The following AKAP19 variants were observed in gnomAD, a reference collection of about 807,000 sequenced individuals.
The protein encoded by AKAP19 is A-kinase anchoring protein 19.
the AKAP19 span, chr2:190,181,182 C>T: frequency 1.0e-6 from 1 of 983,064 alleles, no homozygotes; most frequent in Non-Finnish European, 1.2e-6. Flanking sequence ...TCAGCTGTGC[C>T]TTTTAGATTT....
the AKAP19 span, among the ~76,000 whole-genome samples, chr2:190,024,332 A>C: frequency 1.3e-5 from 2 of 148,638 alleles, no homozygotes; most frequent in Non-Finnish European, 3.0e-5. Flanking sequence ...GTGTGTGTAT[A>C]TATATATATG....
chr2:190,022,039 CCTT>C, the AKAP19 span, among the ~76,000 whole-genome samples: 2 of 152,166 alleles, frequency 1.3e-5, no homozygotes, highest in Admixed American at 1.3e-4. Context: ...TCTCTCTTCT[CCTT>C]CTTACAAAGC....
chr2:190,162,464 G>A, the AKAP19 span, among the ~76,000 whole-genome samples: 2 of 151,894 alleles, frequency 1.3e-5, no homozygotes, highest in Non-Finnish European at 2.9e-5. Context: ...ATAAGCTTTG[G>A]AAAAAAAGTA....
chr2:189,932,720 AAAAG>A, the AKAP19 span, among the ~76,000 whole-genome samples: 1 of 151,872 alleles, frequency 6.6e-6, no homozygotes, highest in Non-Finnish European at 1.5e-5. Context: ...AAAAAAAAAA[AAAAG>A]AATCCATTAC....
the AKAP19 span, among the ~76,000 whole-genome samples, chr2:189,885,291 G>T: frequency 6.6e-6 from 1 of 152,114 alleles, no homozygotes; most frequent in Non-Finnish European, 1.5e-5. Context: ...AATGGTAACT[G>T]TGGGGAAGCT....
At chr2:189,931,210 TTTTC>T in the AKAP19 span, among the ~76,000 whole-genome samples, 3 of 151,890 alleles carry the variant, frequency 2.0e-5, no homozygotes, top group Non-Finnish European at 2.9e-5. Context: ...TGGTGGTTTT[TTTTC>T]TTTTTAAATT....
At chr2:189,946,968 A>G in the AKAP19 span, among the ~76,000 whole-genome samples, 1 of 152,292 alleles carries the variant, frequency 6.6e-6, no homozygotes, top group East Asian at 1.9e-4. Context: ...CCTAGATTCA[A>G]ATCTCAGCTT....
the AKAP19 span, among the ~76,000 whole-genome samples, chr2:190,157,365 T>TGTACACACACAC: frequency 4.3e-5 from 5 of 116,992 alleles, no homozygotes; most frequent in Admixed American, 4.0e-4. Context: ...CCTAAACTTG[T>TGTACACACACAC]ATACACACAC....
At chr2:189,887,931 C>A in the AKAP19 span, among the ~76,000 whole-genome samples, 66 of 152,046 alleles carry the variant, frequency 4.3e-4, no homozygotes, top group African/African-American at 1.6e-3. Flanking sequence ...ATGATAGTTT[C>A]TTTTGCCCTG....
At chr2:190,198,538 G>GGAAGGATC in the AKAP19 span, among the ~76,000 whole-genome samples, 1 of 149,724 alleles carries the variant, frequency 6.7e-6, no homozygotes, top group Non-Finnish European at 1.5e-5. Flanking sequence ...GGGCTGAGGT[G>GGAAGGATC]GAAGGATCAC....
At chr2:190,192,662 T>G in the AKAP19 span, among the ~76,000 whole-genome samples, 1 of 151,828 alleles carries the variant, frequency 6.6e-6, no homozygotes, top group Non-Finnish European at 1.5e-5. Flanking sequence ...ATTTGTCTGT[T>G]TGTTTAGGTT....
chr2:190,124,319 A>G, the AKAP19 span, among the ~76,000 whole-genome samples: 1 of 152,222 alleles, frequency 6.6e-6, no homozygotes, highest in Non-Finnish European at 1.5e-5. Flanking sequence ...ACAAACCTAG[A>G]TGGTGTAGCC....
the AKAP19 span, among the ~76,000 whole-genome samples, chr2:190,072,286 G>A: frequency 2.0e-5 from 3 of 152,146 alleles, no homozygotes; most frequent in East Asian, 5.8e-4. Flanking sequence ...AGGGAAACAA[G>A]GGTTGAAAAA....
the AKAP19 span, among the ~76,000 whole-genome samples, chr2:189,912,049 A>T: frequency 6.6e-6 from 1 of 152,066 alleles, no homozygotes; most frequent in Non-Finnish European, 1.5e-5. Flanking sequence ...ATAATTTTGC[A>T]TGTTAAGGGA....
the AKAP19 span, among the ~76,000 whole-genome samples, chr2:190,130,309 A>G: frequency 5.9e-5 from 9 of 152,168 alleles, no homozygotes; most frequent in Non-Finnish European, 8.8e-5. Flanking sequence ...TGACCTGGAA[A>G]TTTTCTAATA....
chr2:190,157,136 T>C, the AKAP19 span, among the ~76,000 whole-genome samples: 2 of 152,142 alleles, frequency 1.3e-5, no homozygotes, highest in Admixed American at 6.5e-5. Flanking sequence ...CACAACCTTA[T>C]GTGGTAGGTG....
the AKAP19 span, among the ~76,000 whole-genome samples, chr2:190,087,568 T>A: frequency 6.6e-6 from 1 of 152,234 alleles, no homozygotes; most frequent in East Asian, 1.9e-4. Context: ...GTCCTAAAAC[T>A]CTTCCTCAGG....
the AKAP19 span, among the ~76,000 whole-genome samples, chr2:189,913,076 T>C: frequency 6.6e-6 from 1 of 152,208 alleles, no homozygotes; most frequent in Non-Finnish European, 1.5e-5. Flanking sequence ...TATTACACTT[T>C]ACATGTTTTT....
chr2:190,147,811 G>T, the AKAP19 span, among the ~76,000 whole-genome samples: 2 of 151,788 alleles, frequency 1.3e-5, no homozygotes, highest in Non-Finnish European at 2.9e-5. Context: ...TTCTCTGCTT[G>T]GTTGCTGTTG....
Sources: gnomAD v4.1 joint callset for allele counts (sites outside exome capture counted in the v4.1 genomes callset) on GRCh38, gnomAD v4.1.1 for gene constraint, MANE v1.5 for transcripts, NCBI Gene and HGNC (gene_info 2026-07-23, HGNC 2026-07-21) for gene names.